The following GLI3 variants were observed in gnomAD, a reference collection of about 807,000 sequenced individuals.
GLI3 encodes GLI family zinc finger 3.
In GLI3, 20 loss-of-function variants were observed where a neutral mutation model predicts 100.8. The observed-to-expected ratio is 0.20, with a 90% CI of 0.14 to 0.29. The LOEUF (loss-of-function observed/expected upper bound fraction) is 0.29. Ranked by LOEUF, GLI3 falls within the 10% of genes least tolerant of loss-of-function variation. The probability of loss-of-function intolerance (pLI) is 1.00; values close to 1 mark genes in which losing one functional copy is unlikely to be tolerated. For synonymous variants in GLI3, 938 were observed against 860.5 expected, an observed-to-expected ratio of 1.09 and a Z score of -1.58; for missense variants, 2,040 against 2,128.5, an observed-to-expected ratio of 0.96 and a Z score of 0.82.
At chr7:42,009,822 T>C (rs993562283) in intron 10 of GLI3, among the ~76,000 whole-genome samples, 1 of 152,200 alleles carries the variant, frequency 6.6e-6, no homozygotes, top group Non-Finnish European at 1.5e-5. Flanking sequence ...CTGCCATTCG[T>C]TGATTGTAAA....
chr7:42,187,952 G>C (rs938478909), intron 2 of GLI3, among the ~76,000 whole-genome samples: 1 of 137,468 alleles, frequency 7.3e-6, no homozygotes, highest in Non-Finnish European at 1.5e-5. Context: ...GCAATGAGCC[G>C]AGATCGCGCC....
chr7:42,218,033 G>A (rs1356390322), intron 2 of GLI3, among the ~76,000 whole-genome samples: 1 of 152,232 alleles, frequency 6.6e-6, no homozygotes. Flanking sequence ...CACATGGCTA[G>A]TCCTTCGTGT....
At chr7:42,222,108 G>A (rs1162371815) in intron 2 of GLI3, among the ~76,000 whole-genome samples, 1 of 152,164 alleles carries the variant, frequency 6.6e-6, no homozygotes, top group East Asian at 1.9e-4. Flanking sequence ...CAGGCTGCTT[G>A]GAAGTATATG....
intron 1 of GLI3, among the ~76,000 whole-genome samples, chr7:42,262,061 C>T (rs1181242799): frequency 7.0e-6 from 1 of 143,862 alleles, no homozygotes; most frequent in Non-Finnish European, 1.5e-5. Flanking sequence ...TTCTTTCCTC[C>T]CTCTCTCTCT....
intron 2 of GLI3, among the ~76,000 whole-genome samples, chr7:42,164,378 G>A (rs1306434206): frequency 6.6e-6 from 1 of 152,036 alleles, no homozygotes; most frequent in East Asian, 1.9e-4. Flanking sequence ...AAATTAGCTG[G>A]GCATGGTGGC....
chr7:42,144,028 AAGAC>A (rs1786638082), intron 3 of GLI3, among the ~76,000 whole-genome samples: 1 of 152,230 alleles, frequency 6.6e-6, no homozygotes, highest in African/African-American at 2.4e-5. Flanking sequence ...TCTTGACAGT[AAGAC>A]AGAAGACAAT....
chr7:42,120,010 T>C (rs1785957387), intron 3 of GLI3, among the ~76,000 whole-genome samples: 1 of 152,174 alleles, frequency 6.6e-6, no homozygotes, highest in South Asian at 2.1e-4. Context: ...GAGGGAGTTG[T>C]CTCCATCTGT....
chr7:42,107,071 T>A (rs1785594114), intron 3 of GLI3, among the ~76,000 whole-genome samples: 2 of 152,106 alleles, frequency 1.3e-5, no homozygotes. Context: ...ATCCTCGCAT[T>A]TTGGGAGGCC....
intron 10 of GLI3, among the ~76,000 whole-genome samples, chr7:42,013,811 ACG>A (rs1426023059): frequency 1.3e-5 from 2 of 152,202 alleles, no homozygotes; most frequent in Non-Finnish European, 2.9e-5. Flanking sequence ...AATTATCCCA[ACG>A]ACCCTGATAA....
intron 10 of GLI3, among the ~76,000 whole-genome samples, chr7:42,009,504 AT>A (rs1788553616): frequency 9.4e-6 from 1 of 106,848 alleles, no homozygotes; most frequent in African/African-American, 3.6e-5. Context: ...TTTTTTTGTA[AT>A]TGATCAAAAA....
chr7:42,240,606 C>T (rs1253313463), upstream of GLI3, among the ~76,000 whole-genome samples: 1 of 152,172 alleles, frequency 6.6e-6, no homozygotes, highest in South Asian at 2.1e-4. Flanking sequence ...ATGGCATTCT[C>T]CCTTTGTCTC....
chr7:42,209,616 G>A (rs1788222556), intron 2 of GLI3, among the ~76,000 whole-genome samples: 1 of 152,134 alleles, frequency 6.6e-6, no homozygotes, highest in Non-Finnish European at 1.5e-5. Flanking sequence ...TGAATATCAA[G>A]AATATCAAGG....
At chr7:42,097,151 C>T (rs991035067) in intron 3 of GLI3, among the ~76,000 whole-genome samples, 1 of 152,190 alleles carries the variant, frequency 6.6e-6, no homozygotes, top group South Asian at 2.1e-4. Context: ...AAGGGTAAAG[C>T]GTTTCAGAAA....
At chr7:42,193,290 T>C (rs766326508) in intron 2 of GLI3, among the ~76,000 whole-genome samples, 2 of 152,166 alleles carry the variant, frequency 1.3e-5, no homozygotes, top group African/African-American at 2.4e-5. Context: ...GCTGTTCTTA[T>C]AAACAATGAG....
chr7:42,132,281 T>C lies in GLI3; in HGVS notation c.367+15945A>G, dbSNP rs201741562. 1.6e-4 allele frequency among the ~76,000 whole-genome samples: 23 copies of C among 147,942 alleles called. No individual in the cohort carries two copies. The East Asian group carries it at 3.7e-3, about 24-fold the overall frequency. ...ACGCCCGGCTAATTTTTTGTATTTT[T>C]AGTAGAGATGGGGTTTCACCATGTT... On this transcript the variant is annotated intron_variant, in intron 3 of 14. Coordinates refer to ENST00000395925, the MANE Select transcript of GLI3 (RefSeq NM_000168.6).
intron 3 of GLI3, chr7:42,118,387 A>G (rs1188108518): frequency 1.0e-5 from 4 of 398,376 alleles, no homozygotes; most frequent in Non-Finnish European, 1.3e-5. Context: ...CAAAGTTTAG[A>G]GAAAATGAAG....
At chr7:42,183,385 T>C (rs1245756791) in intron 2 of GLI3, among the ~76,000 whole-genome samples, 2 of 152,322 alleles carry the variant, frequency 1.3e-5, no homozygotes, top group Admixed American at 1.3e-4. Context: ...TGAACTTTCA[T>C]GTGCCAGGCT....
intron 10 of GLI3, among the ~76,000 whole-genome samples, chr7:41,982,461 T>C (rs778872890): frequency 1.1e-4 from 16 of 152,150 alleles, no homozygotes; most frequent in Non-Finnish European, 1.5e-4. Flanking sequence ...CTCACACCTG[T>C]AATCCCCATA....
intron 2 of GLI3, among the ~76,000 whole-genome samples, chr7:42,176,903 T>C (rs1342926203): frequency 6.6e-6 from 1 of 152,040 alleles, no homozygotes; most frequent in African/African-American, 2.4e-5. Flanking sequence ...GCCCCCAAAT[T>C]TCCAGGCAGG....
Sources: gnomAD v4.1 joint callset for allele counts (sites outside exome capture counted in the v4.1 genomes callset) on GRCh38, gnomAD v4.1.1 for gene constraint, MANE v1.5 for transcripts, NCBI Gene and HGNC (gene_info 2026-07-23, HGNC 2026-07-21) for gene names.